PRKN: variants seen among roughly 807,000 people sequenced by gnomAD.
The protein encoded by PRKN is parkin RBR E3 ubiquitin protein ligase.
In PRKN, 56 loss-of-function variants were observed where a neutral mutation model predicts 59.5. The ratio of observed to expected loss-of-function variants is 0.94; its 90% CI spans 0.76 to 1.18. The LOEUF is 1.18. PRKN is among the 50% of genes most tolerant of loss of function. The pLI, the probability that PRKN is intolerant of heterozygous loss-of-function variation, is 0.00. For synonymous variants in PRKN, 250 were observed against 222.1 expected (o/e 1.13, Z -1.12); for missense variants, 657 against 596.4 (o/e 1.10, Z -1.06).
In PRKN at chr6:161,582,937, C is replaced by T. The variant is rs1211606861; in HGVS notation, c.872-13521G>A. Among the ~76,000 whole-genome samples, 1 of 148,380 alleles carries T rather than the reference C, an allele frequency of 6.7e-6. No individual in the cohort carries two copies. Among genetic ancestry groups the T allele is most frequent in the East Asian group, 2.0e-4 (1 of 4,900 alleles). Reference sequence around the variant, plus strand: ...AGCCCTTGTGCCAGTGACTAAATTCCAACCAGCATCTTTCCAGTGAGATGG... The same window carrying T: ...AGCCCTTGTGCCAGTGACTAAATTCTAACCAGCATCTTTCCAGTGAGATGG... On this transcript the variant is annotated intron_variant, in intron 7 of 11. Coordinates refer to ENST00000366898, the MANE Select transcript of PRKN (RefSeq NM_004562.3). This position sits in a 1 kb window ranked among gnomAD's most constrained non-coding sequence, Gnocchi z 4.4.
chr6:162,146,649 C>A (rs941030525), intron 4 of PRKN, among the ~76,000 whole-genome samples: 1 of 151,988 alleles, frequency 6.6e-6, no homozygotes, highest in African/African-American at 2.4e-5. Context: ...GGACTACAGG[C>A]ATGCACCATC....
chr6:161,860,207 C>T (rs1793834862), intron 6 of PRKN, among the ~76,000 whole-genome samples: 1 of 152,262 alleles, frequency 6.6e-6, no homozygotes, highest in East Asian at 1.9e-4. Flanking sequence ...AAAAGAAAGA[C>T]CTTCTTTCCC....
chr6:162,484,424 G>A (rs1024303241), intron 1 of PRKN, among the ~76,000 whole-genome samples: 3 of 152,250 alleles, frequency 2.0e-5, no homozygotes, highest in African/African-American at 4.8e-5. Context: ...AGTTGATACT[G>A]TAACTAGATA....
intron 1 of PRKN, among the ~76,000 whole-genome samples, chr6:162,681,843 T>A (rs1192130107): frequency 6.6e-6 from 1 of 152,038 alleles, no homozygotes; most frequent in Non-Finnish European, 1.5e-5. Context: ...TAGACCCAAC[T>A]CCCACCCGCT....
At chr6:162,578,092 G>T (rs1030148883) in intron 1 of PRKN, among the ~76,000 whole-genome samples, 4 of 152,076 alleles carry the variant, frequency 2.6e-5, no homozygotes, top group Non-Finnish European at 5.9e-5. Context: ...CTGATATATG[G>T]ATATTCTCTC....
At chr6:161,879,440 C>G (rs1168975260) in intron 6 of PRKN, among the ~76,000 whole-genome samples, 3 of 150,828 alleles carry the variant, frequency 2.0e-5, no homozygotes, top group African/African-American at 7.4e-5. Context: ...CTCCGCCTTC[C>G]AGGTTCAAGC....
chr6:162,383,439 G>C (rs1293909045), intron 2 of PRKN, among the ~76,000 whole-genome samples: 4 of 152,142 alleles, frequency 2.6e-5, no homozygotes, highest in African/African-American at 9.7e-5. Flanking sequence ...ATGTTCTGAA[G>C]AGTCATTTTT....
chr6:162,145,963 A>C (rs1782008425), intron 4 of PRKN, among the ~76,000 whole-genome samples: 1 of 152,220 alleles, frequency 6.6e-6, no homozygotes, highest in African/African-American at 2.4e-5. Context: ...ATACAAAGTG[A>C]CACTACTATG....
chr6:161,508,864 G>A (rs1778272618), intron 9 of PRKN, among the ~76,000 whole-genome samples: 1 of 149,426 alleles, frequency 6.7e-6, no homozygotes, highest in South Asian at 2.1e-4. Context: ...TTTTTTTGGA[G>A]ATGGAGTTTC....
chr6:161,470,068 A>T lies in PRKN; in HGVS notation c.1083+78786T>A, dbSNP rs956584721. Among the ~76,000 whole-genome samples, 1 of 152,168 alleles carries T rather than the reference A, an allele frequency of 6.6e-6. No individual in the cohort carries two copies. The highest frequency in any genetic ancestry group is 1.5e-5 in the Non-Finnish European group (1 of 68,024). On this transcript the variant is annotated intron_variant, in intron 9 of 11. Coordinates refer to ENST00000366898, the MANE Select transcript of PRKN (RefSeq NM_004562.3). The surrounding 1 kb of genome is among the most constrained non-coding windows in gnomAD (Gnocchi z 5.1). ...TCACCAAGGTAGGCACTCTTAAAAAACACCCATTTAATAGAAGAGGAAAGT... is the reference window on the plus strand; with the variant it reads ...TCACCAAGGTAGGCACTCTTAAAAATCACCCATTTAATAGAAGAGGAAAGT...
At chr6:162,424,823 A>G (rs1389730531) in intron 2 of PRKN, among the ~76,000 whole-genome samples, 3 of 152,114 alleles carry the variant, frequency 2.0e-5, no homozygotes, top group South Asian at 4.2e-4. Flanking sequence ...GTGTGTAAGT[A>G]AGGGAATGAG....
In PRKN at chr6:161,805,452, G is replaced by GCACACACACACACACA. The variant is rs1554310490; in HGVS notation, c.735-19560_735-19545dup. On this transcript the variant is annotated intron_variant, in intron 6 of 11. Transcript: ENST00000366898. The stretch of plus-strand genomic sequence containing the variant: ...CTGTGGCCTTCCTGAGTACACACAT[G>GCACACACACACACACA]CACACACACACACACACACACACAC... Among the ~76,000 whole-genome samples the GCACACACACACACACA allele has an allele frequency of 6.1e-4, 24 of 39,128 alleles. 1 individual carries two copies. The highest frequency in any genetic ancestry group is 0.015 in the Middle Eastern group (1 of 68). The allele number at this position is 39,128 out of a possible 152,430, so 25.7% of individuals were successfully genotyped here.
chr6:161,934,268 C>A (rs1013021395), intron 6 of PRKN, among the ~76,000 whole-genome samples: 2 of 152,174 alleles, frequency 1.3e-5, no homozygotes. Context: ...TTTCTTGAGG[C>A]ATCCCCAGAC....
chr6:162,023,278 A>C (rs2128276593), intron 5 of PRKN, among the ~76,000 whole-genome samples: 1 of 152,096 alleles, frequency 6.6e-6, no homozygotes, highest in African/African-American at 2.4e-5. Flanking sequence ...ACTCAATTAG[A>C]GCGTCTACCT....
At position 161,359,954 on chromosome 6, in the gene PRKN, A is replaced by G; in HGVS notation, c.1285+134T>C. 1 of 749,450 alleles carries G rather than the reference A, an allele frequency of 1.3e-6. No homozygotes were observed. The allele number at this position is 749,450 out of a possible 1,614,324, so 46.4% of individuals were successfully genotyped here. ...ACAATAATAATAGTGATAATGGGTA[A>G]CATTAATCGAGGGGTTACCCAACAC... On this transcript the variant is annotated intron_variant, in intron 11 of 11. Coordinates refer to ENST00000366898, the MANE Select transcript of PRKN (RefSeq NM_004562.3). This position sits in a 1 kb window ranked among gnomAD's most constrained non-coding sequence, Gnocchi z 5.4.
At chr6:162,363,023 G>C (rs969199960) in intron 2 of PRKN, among the ~76,000 whole-genome samples, 1 of 151,272 alleles carries the variant, frequency 6.6e-6, no homozygotes, top group African/African-American at 2.4e-5. Flanking sequence ...AGCTACTCGG[G>C]AGGCTGAGGC....
In PRKN at chr6:161,447,712, C is replaced by T. The variant is rs2115110715; in HGVS notation, c.1084-60835G>A. 6.6e-6 allele frequency among the ~76,000 whole-genome samples: 1 copy of T among 152,278 alleles called. No individual in the cohort carries two copies. ...GTTTCACCGTGTAAGCTAGGATGGT[C>T]TCGATCTCCTGACCTCATGATCAGC... On this transcript the variant is annotated intron_variant, in intron 9 of 11. Transcript: ENST00000366898. This position sits in a 1 kb window ranked among gnomAD's most constrained non-coding sequence, Gnocchi z 4.1.
chr6:162,274,180 A>AATTAATTT (rs1222879318), intron 2 of PRKN, among the ~76,000 whole-genome samples: 36 of 151,330 alleles, frequency 2.4e-4, no homozygotes, highest in African/African-American at 7.6e-4. Flanking sequence ...TTAATTTATT[A>AATTAATTT]ATGTATTTAT....
chr6:162,709,860 T>A (rs1322618215), intron 1 of PRKN, among the ~76,000 whole-genome samples: 1 of 150,178 alleles, frequency 6.7e-6, no homozygotes, highest in East Asian at 2.0e-4. Flanking sequence ...CTCCCTGGAA[T>A]CTGAGAGCGA....
Sources: gnomAD v4.1 joint callset for allele counts (sites outside exome capture counted in the v4.1 genomes callset) on GRCh38, gnomAD v4.1.1 for gene constraint, Gnocchi (gnomAD v3.1) non-coding constraint, MANE v1.5 for transcripts, NCBI Gene and HGNC (gene_info 2026-07-23, HGNC 2026-07-21) for gene names.